Variants in BRD4 observed in about 807,000 individuals in gnomAD.
BRD4 encodes bromodomain-containing protein 4.
BRD4 carries 16 observed loss-of-function variants against 142.1 expected under a neutral mutation model. That is an observed-to-expected ratio of 0.11 (90% confidence interval 0.08 to 0.17). BRD4 has a LOEUF of 0.17. BRD4 is among the 10% of genes least tolerant of loss of function. The pLI is 1.00. For synonymous variants in BRD4, 833 were observed against 707.5 expected (o/e 1.18, Z -2.82); for missense variants, 1,424 against 1,810.9 (o/e 0.79, Z 3.88).
At chr19:15,241,873 C>T (rs1264083552) in intron 14 of BRD4, among the ~76,000 whole-genome samples, 1 of 146,090 alleles carries the variant, frequency 6.8e-6, no homozygotes, top group Non-Finnish European at 1.5e-5. Flanking sequence ...AGTGCAGTGG[C>T]ACGATCTCAG....
intron 6 of BRD4, among the ~76,000 whole-genome samples, chr19:15,263,890 C>T (rs1224118699): frequency 6.6e-6 from 1 of 152,244 alleles, no homozygotes; most frequent in Non-Finnish European, 1.5e-5. Context: ...AGGGACACAG[C>T]ACTGTTCCCT....
intron 1 of BRD4, among the ~76,000 whole-genome samples, chr19:15,322,528 T>C (rs1417617699): frequency 2.1e-5 from 3 of 145,612 alleles, no homozygotes; most frequent in Non-Finnish European, 3.0e-5. Context: ...GCTAACACGG[T>C]GAAACCCCGT....
rs1009547997 is a variant in BRD4 at position 15,267,567 on chromosome 19, C to A, written c.424-16G>T. On this transcript the variant is annotated splice_polypyrimidine_tract_variant and intron_variant, in intron 3 of 19. Coordinates refer to ENST00000679869, the MANE Select transcript of BRD4 (RefSeq NM_001379291.1). The stretch of plus-strand genomic sequence containing the variant: ...CATCTCCAGGCTGGATAAGGAGACA[C>A]AGGGGTAGAGTCAGAGGGCCCTCCC... 5.6e-6 allele frequency: 9 copies of A among 1,611,430 alleles called. No homozygotes were observed. The highest frequency in any genetic ancestry group is 1.3e-5 in the African/African-American group (1 of 74,876).
At chr19:15,282,912 G>A (rs1296398185) in intron 1 of BRD4, among the ~76,000 whole-genome samples, 1 of 152,110 alleles carries the variant, frequency 6.6e-6, no homozygotes, top group Non-Finnish European at 1.5e-5. Context: ...CAGCAGTTAA[G>A]CTATGATCAT....
At chr19:15,277,603 G>A (rs1599480430) in intron 1 of BRD4, among the ~76,000 whole-genome samples, 1 of 133,426 alleles carries the variant, frequency 7.5e-6, no homozygotes, top group African/African-American at 3.0e-5. Flanking sequence ...CCAACACAGT[G>A]CAACCCTATC....
intron 1 of BRD4, among the ~76,000 whole-genome samples, chr19:15,294,614 C>G (rs1436234381): frequency 1.3e-5 from 2 of 152,226 alleles, no homozygotes; most frequent in Non-Finnish European, 2.9e-5. Flanking sequence ...CACAGGCAGC[C>G]AACAGCTCAG....
chr19:15,257,898 C>T (rs1165529985), intron 7 of BRD4, among the ~76,000 whole-genome samples: 1 of 152,172 alleles, frequency 6.6e-6, no homozygotes, highest in African/African-American at 2.4e-5. Flanking sequence ...ACCCTAAGAT[C>T]CAGCAATCAG....
At chr19:15,274,869 C>CTT (rs745455535) in intron 1 of BRD4, among the ~76,000 whole-genome samples, 16 of 142,980 alleles carry the variant, frequency 1.1e-4, no homozygotes, top group Non-Finnish European at 1.4e-4. Flanking sequence ...CTGAATTTTC[C>CTT]TTTTTTTTTT....
At chr19:15,263,286 C>G in intron 7 of BRD4, 134 bp downstream of exon 7, 1 of 1,210,376 alleles carries the variant, frequency 8.3e-7, no homozygotes, top group Non-Finnish European at 1.2e-6. Context: ...ACTTTAGGCA[C>G]TTTTCTAAAG....
At chr19:15,288,199 C>T (rs1439555906) in intron 1 of BRD4, among the ~76,000 whole-genome samples, 2 of 152,132 alleles carry the variant, frequency 1.3e-5, no homozygotes, top group African/African-American at 4.8e-5. Flanking sequence ...CATGGGCGTA[C>T]AAATACATGT....
chr19:15,264,195 T>C (rs1458201941), intron 6 of BRD4: 3 of 614,764 alleles, frequency 4.9e-6, no homozygotes, highest in Non-Finnish European at 5.4e-6. Flanking sequence ...CACAGGCATC[T>C]GTAGCCACAA....
intron 1 of BRD4, among the ~76,000 whole-genome samples, chr19:15,298,138 T>C (rs2047838829): frequency 6.6e-6 from 1 of 152,186 alleles, no homozygotes; most frequent in African/African-American, 2.4e-5. Context: ...ATTTGGACTT[T>C]ATTATAAGCA....
At chr19:15,315,781 G>A (rs766586274) in intron 1 of BRD4, among the ~76,000 whole-genome samples, 7 of 151,574 alleles carry the variant, frequency 4.6e-5, no homozygotes, top group East Asian at 1.9e-4. Context: ...ACTTGAACCC[G>A]GGAGGTGGAA....
rs371555101 is a variant in BRD4, at chr19:15,239,862, C to A, written c.3283-41G>T. ...CACAGCGGCCGGTGAGGTGGGCAGG[C>A]ACCCCCGGCCCTAGCCCACAGGACT... is the stretch of plus-strand genomic sequence containing the variant. On this transcript the variant is annotated intron_variant, in intron 15 of 19. Transcript: ENST00000679869. This position sits in a 1 kb window ranked among gnomAD's most constrained non-coding sequence, Gnocchi z 7.4. 1.9e-6 allele frequency: 3 copies of A among 1,613,832 alleles called. No homozygotes were observed. Among genetic ancestry groups the A allele is most frequent in the African/African-American group, 2.7e-5 (2 of 74,916 alleles).
chr19:15,245,266 C>T (rs1006751121), intron 11 of BRD4, among the ~76,000 whole-genome samples: 1 of 152,064 alleles, frequency 6.6e-6, no homozygotes, highest in Admixed American at 6.5e-5. Flanking sequence ...CTGCATGGCC[C>T]TCTAAGGCCC....
At chr19:15,270,347 G>C (rs2047573818) in intron 2 of BRD4, among the ~76,000 whole-genome samples, 1 of 152,288 alleles carries the variant, frequency 6.6e-6, no homozygotes, top group Non-Finnish European at 1.5e-5. Flanking sequence ...TTTTGGCACA[G>C]CTCATGGAAC....
At chr19:15,302,506 TA>T (rs1444277095) in intron 1 of BRD4, among the ~76,000 whole-genome samples, 1 of 151,816 alleles carries the variant, frequency 6.6e-6, no homozygotes, top group African/African-American at 2.4e-5. Flanking sequence ...CTGTCTCTAC[TA>T]AAAATGCAAA....
At chr19:15,253,753 G>A in intron 11 of BRD4, 1 of 1,598,364 alleles carries the variant, frequency 6.3e-7, no homozygotes, top group Non-Finnish European at 8.5e-7. Flanking sequence ...GGAAGGCCCT[G>A]GGGACACGAA....
At chr19:15,251,468 C>G (rs2047345802) in intron 11 of BRD4, among the ~76,000 whole-genome samples, 1 of 115,052 alleles carries the variant, frequency 8.7e-6, no homozygotes, top group East Asian at 2.6e-4. Context: ...GGGGCGCGGG[C>G]CTGCAAATCA....
Sources: allele counts gnomAD v4.1 joint callset (sites outside exome capture counted in the v4.1 genomes callset), GRCh38; gene constraint gnomAD v4.1.1; non-coding constraint Gnocchi (gnomAD v3.1); transcripts MANE v1.5; gene names NCBI Gene and HGNC (gene_info 2026-07-23, HGNC 2026-07-21).